LPXN: variants seen among roughly 807,000 people sequenced by gnomAD.
The protein encoded by LPXN is leupaxin.
Under a neutral mutation model 45.6 loss-of-function variants are expected in LPXN, and 28 were observed. That is an observed-to-expected ratio of 0.61 (90% confidence interval 0.45 to 0.84). The LOEUF (loss-of-function observed/expected upper bound fraction) is 0.84, where lower values mean the gene tolerates loss of function less well. Among genes scored for constraint, LPXN ranks in the 40% least tolerant of loss-of-function variants. The pLI is 0.00. For synonymous variants in LPXN, 166 were observed against 169.9 expected (o/e 0.98, Z 0.18); for missense variants, 459 against 475.0 (o/e 0.97, Z 0.31).
intron 2 of LPXN, 72 bp from the exon 3 acceptor site, chr11:58,564,273 A>G: frequency 2.1e-6 from 2 of 933,580 alleles, no homozygotes; most frequent in East Asian, 4.8e-5. Flanking sequence ...GCTTAATGAT[A>G]CCCACAGTTA....
upstream of LPXN, among the ~76,000 whole-genome samples, chr11:58,577,716 C>G (rs1034212411): frequency 6.6e-6 from 1 of 151,788 alleles, no homozygotes; most frequent in Non-Finnish European, 1.5e-5. Flanking sequence ...AAGCAGATGG[C>G]TTCCGGCCGC....
At position 58,527,429 on chromosome 11, in the gene LPXN, T is replaced by G; in HGVS notation, c.*25A>C. The G allele has an allele frequency of 6.2e-7, 1 of 1,609,986 alleles. No homozygotes were observed. Among genetic ancestry groups the G allele is most frequent in the Non-Finnish European group, 8.5e-7 (1 of 1,176,626 alleles). ...CTTGGTTTAAATTTTATAAGGAATC[T>G]GAAGAGGCTATGGATCAGTTGGCAT... On this transcript the variant is annotated 3_prime_UTR_variant, in exon 9 of 9. Coordinates refer to ENST00000395074, the MANE Select transcript of LPXN (RefSeq NM_004811.3).
intron 1 of LPXN, among the ~76,000 whole-genome samples, chr11:58,571,917 C>A (rs1183474917): frequency 6.6e-6 from 1 of 152,094 alleles, no homozygotes; most frequent in Non-Finnish European, 1.5e-5. Flanking sequence ...GATCCCTAGC[C>A]CCTGCATTAA....
intron 5 of LPXN, among the ~76,000 whole-genome samples, chr11:58,550,423 G>A (rs1402499459): frequency 6.6e-6 from 1 of 152,236 alleles, no homozygotes; most frequent in African/African-American, 2.4e-5. Context: ...GGGGGTGGCA[G>A]AAACAACATA....
intron 3 of LPXN, among the ~76,000 whole-genome samples, chr11:58,560,303 G>A (rs1254270764): frequency 6.6e-6 from 1 of 152,092 alleles, no homozygotes; most frequent in African/African-American, 2.4e-5. Context: ...ACAATCTTCA[G>A]TAAAGTACAT....
chr11:58,567,509 T>C (rs1854560191), intron 2 of LPXN, among the ~76,000 whole-genome samples: 1 of 152,266 alleles, frequency 6.6e-6, no homozygotes, highest in South Asian at 2.1e-4. Flanking sequence ...ACAAGAAAAC[T>C]TGGAATTGAA....
At chr11:58,569,238 T>TA (rs1399332785) in intron 2 of LPXN, among the ~76,000 whole-genome samples, 1 of 152,256 alleles carries the variant, frequency 6.6e-6, no homozygotes, top group East Asian at 1.9e-4. Context: ...TAATTCATCT[T>TA]ACACTAATTC....
intron 7 of LPXN, among the ~76,000 whole-genome samples, chr11:58,529,053 G>A (rs1853310444): frequency 6.6e-6 from 1 of 151,614 alleles, no homozygotes; most frequent in African/African-American, 2.4e-5. Flanking sequence ...TTTTTAATGT[G>A]TGCATTTGCA....
chr11:58,549,574 C>T (rs528095260), intron 7 of LPXN, among the ~76,000 whole-genome samples: 3 of 152,050 alleles, frequency 2.0e-5, no homozygotes, highest in Non-Finnish European at 4.4e-5. Context: ...AGTTTTTAAA[C>T]TATGCATTTG....
At chr11:58,564,738 T>G (rs966314054) in intron 2 of LPXN, among the ~76,000 whole-genome samples, 1 of 152,210 alleles carries the variant, frequency 6.6e-6, no homozygotes, top group Non-Finnish European at 1.5e-5. Context: ...GCTTACATTC[T>G]GGTGCTGTGA....
chr11:58,527,934 T>A, intron 8 of LPXN, 109 bp downstream of exon 8: 1 of 1,310,630 alleles, frequency 7.6e-7, no homozygotes. Context: ...GATGCGCACA[T>A]CCATTCCTCA....
chr11:58,575,069 A>C (rs114766215), intron 1 of LPXN, among the ~76,000 whole-genome samples: 139 of 152,286 alleles, frequency 9.1e-4, no homozygotes, highest in African/African-American at 3.2e-3. Context: ...ACATTACTCC[A>C]AAGGTTTGAA....
intron 5 of LPXN, 66 bp downstream of exon 5, chr11:58,550,999 A>G: frequency 7.1e-7 from 1 of 1,408,832 alleles, no homozygotes; most frequent in South Asian, 1.6e-5. Flanking sequence ...AAGGGGAAAG[A>G]GCAAACCTTG....
intron 7 of LPXN, among the ~76,000 whole-genome samples, chr11:58,529,392 C>T (rs1004966225): frequency 4.6e-5 from 7 of 152,008 alleles, no homozygotes; most frequent in Middle Eastern, 3.4e-3. Context: ...GGGTGGATCA[C>T]GAGGTCAGGA....
intron 1 of LPXN, among the ~76,000 whole-genome samples, chr11:58,572,961 T>C (rs1590592338): frequency 6.6e-6 from 1 of 152,244 alleles, no homozygotes; most frequent in East Asian, 1.9e-4. Context: ...GAAGGACAAA[T>C]AGGCCGGGCA....
chr11:58,577,872 A>G, upstream of LPXN: 1 of 959,446 alleles, frequency 1.0e-6, no homozygotes, highest in Non-Finnish European at 1.5e-6. Context: ...GTCTAGTAGA[A>G]AAGCAACTTT....
At position 58,555,005 on chromosome 11, in the gene LPXN, T is replaced by A. The variant is rs576417572; in HGVS notation, c.219-65A>T. On this transcript the variant is annotated intron_variant, in intron 3 of 8. Coordinates refer to ENST00000395074, the MANE Select transcript of LPXN (RefSeq NM_004811.3). ...AACTCAAATAATGTTAAACCACACA[T>A]AAAGTACTGGAAATGCAACTGTAAT... 125 of 1,028,322 alleles carry A rather than the reference T, an allele frequency of 1.2e-4. No homozygotes were observed. The African/African-American group carries it at 1.8e-3, about 15-fold the overall frequency. The allele number at this position is 1,028,322 out of a possible 1,614,324, so 63.7% of individuals were successfully genotyped here.
intron 7 of LPXN, among the ~76,000 whole-genome samples, chr11:58,549,014 A>T (rs1332024906): frequency 1.3e-5 from 2 of 152,156 alleles, no homozygotes; most frequent in Non-Finnish European, 1.5e-5. Context: ...ACATTTCTAA[A>T]CCTCATCTTC....
chr11:58,554,624 A>G (rs1174891023), intron 4 of LPXN: 3 of 431,466 alleles, frequency 7.0e-6, no homozygotes, highest in Admixed American at 4.0e-5. Context: ...AGTCTGTATT[A>G]TATATTAATT....
Sources: allele counts gnomAD v4.1 joint callset (sites outside exome capture counted in the v4.1 genomes callset), GRCh38; gene constraint gnomAD v4.1.1; transcripts MANE v1.5; gene names NCBI Gene and HGNC (gene_info 2026-07-23, HGNC 2026-07-21).